The following NRG1 variants were observed in gnomAD, a reference collection of about 807,000 sequenced individuals.
The protein encoded by NRG1 is neuregulin 1, also known as pro-neuregulin-1, membrane-bound isoform.
NRG1 carries 18 observed loss-of-function variants against 63.8 expected under a neutral mutation model. The ratio of observed to expected loss-of-function variants is 0.28; its 90% confidence interval spans 0.19 to 0.42. The LOEUF is 0.42. Ranked by LOEUF, NRG1 falls within the 10% of genes least tolerant of loss-of-function variation. NRG1 has a pLI of 1.00. For missense variants in NRG1, 762 were observed against 814.7 expected, an observed-to-expected ratio of 0.94 and a Z score of 0.79; for synonymous variants, 302 against 301.3, an observed-to-expected ratio of 1.00 and a Z score of -0.02.
intron 1 of NRG1, among the ~76,000 whole-genome samples, chr8:31,651,557 A>C (rs1306393560): frequency 6.6e-6 from 1 of 152,202 alleles, no homozygotes; most frequent in African/African-American, 2.4e-5. Flanking sequence ...CTGCAGGGCG[A>C]GGCTTCCTGC....
chr8:32,431,798 C>A, intron 1 of NRG1, among the ~76,000 whole-genome samples: 1 of 151,932 alleles, frequency 6.6e-6, no homozygotes, highest in Non-Finnish European at 1.5e-5. Context: ...GAAACAACAG[C>A]AATAACAACT....
chr8:32,184,180 A>G (rs1841734248), intron 1 of NRG1, among the ~76,000 whole-genome samples: 1 of 152,132 alleles, frequency 6.6e-6, no homozygotes, highest in Non-Finnish European at 1.5e-5. Flanking sequence ...TGTGTATAAT[A>G]TATTCTTCAC....
intron 1 of NRG1, among the ~76,000 whole-genome samples, chr8:32,223,074 C>A (rs1845989174): frequency 6.6e-6 from 1 of 151,762 alleles, no homozygotes. Flanking sequence ...GGAAAAAATA[C>A]AACAAAATAG....
At chr8:31,985,290 C>T (rs964627764) in intron 1 of NRG1, among the ~76,000 whole-genome samples, 1 of 152,090 alleles carries the variant, frequency 6.6e-6, no homozygotes, top group Non-Finnish European at 1.5e-5. Context: ...GTTTGATTTC[C>T]TTTTTATACA....
intron 5 of NRG1, among the ~76,000 whole-genome samples, chr8:32,702,281 G>A (rs1815114410): frequency 6.6e-6 from 1 of 152,180 alleles, no homozygotes; most frequent in Admixed American, 6.5e-5. Context: ...AAAGCTGGTG[G>A]AAAAATGTGT....
chr8:32,722,766 G>A (rs1261614004), intron 5 of NRG1, among the ~76,000 whole-genome samples: 3 of 152,014 alleles, frequency 2.0e-5, no homozygotes, highest in East Asian at 1.9e-4. Flanking sequence ...GATCTTGAAA[G>A]GGTAAAATAA....
chr8:32,128,934 C>G (rs1304559054), intron 1 of NRG1, among the ~76,000 whole-genome samples: 1 of 151,852 alleles, frequency 6.6e-6, no homozygotes, highest in African/African-American at 2.4e-5. Flanking sequence ...AAACAAGCTT[C>G]CCCCATTCCT....
intron 1 of NRG1, among the ~76,000 whole-genome samples, chr8:31,850,431 A>G (rs968610558): frequency 3.3e-5 from 5 of 152,258 alleles, no homozygotes; most frequent in African/African-American, 9.6e-5. Context: ...TGGTCAGGTT[A>G]TGTGACCTGA....
chr8:31,977,452 A>G (rs1427836477), intron 1 of NRG1, among the ~76,000 whole-genome samples: 1 of 151,872 alleles, frequency 6.6e-6, no homozygotes, highest in African/African-American at 2.4e-5. Flanking sequence ...TTTTAGTTTT[A>G]TTTCTAGTGC....
intron 1 of NRG1, among the ~76,000 whole-genome samples, chr8:32,294,310 G>A (rs1221460278): frequency 6.6e-6 from 1 of 152,104 alleles, no homozygotes; most frequent in Non-Finnish European, 1.5e-5. Context: ...AAGATTTTAA[G>A]CATGTGCTCT....
chr8:31,764,676 T>A (rs1801281725), intron 1 of NRG1, among the ~76,000 whole-genome samples: 2 of 152,202 alleles, frequency 1.3e-5, no homozygotes, highest in Admixed American at 1.3e-4. Context: ...AATTTACATG[T>A]TTTTTATGTA....
At chr8:32,694,446 T>TA (rs1687150359) in intron 5 of NRG1, among the ~76,000 whole-genome samples, 1 of 152,204 alleles carries the variant, frequency 6.6e-6, no homozygotes. Context: ...CTTCATTTTT[T>TA]AAAGTATTCT....
At chr8:32,312,907 A>G (rs1478033178) in intron 1 of NRG1, among the ~76,000 whole-genome samples, 1 of 152,020 alleles carries the variant, frequency 6.6e-6, no homozygotes, top group African/African-American at 2.4e-5. Context: ...TAATCCCAGC[A>G]CTCTGGGAGG....
intron 1 of NRG1, among the ~76,000 whole-genome samples, chr8:32,508,458 T>G (rs969109801): frequency 8.3e-5 from 8 of 96,422 alleles, no homozygotes; most frequent in African/African-American, 2.0e-4. Flanking sequence ...ACCCAGCTAG[T>G]TTTTTTTTTT....
At chr8:32,310,093 T>G (rs534431873) in intron 1 of NRG1, among the ~76,000 whole-genome samples, 1 of 152,302 alleles carries the variant, frequency 6.6e-6, no homozygotes, top group South Asian at 2.1e-4. Flanking sequence ...GGCACTGCTA[T>G]GAATCACCAT....
chr8:31,780,064 A>G (rs1187382669), intron 1 of NRG1, among the ~76,000 whole-genome samples: 2 of 152,204 alleles, frequency 1.3e-5, no homozygotes, highest in Non-Finnish European at 2.9e-5. Context: ...TCCTAGGAAA[A>G]CATAGCCATG....
chr8:32,339,337 T>C (rs1386439), intron 1 of NRG1, among the ~76,000 whole-genome samples: 78,493 of 151,936 alleles, frequency 0.52, 21,236 homozygotes, highest in Non-Finnish European at 0.61. Flanking sequence ...AAACCCCAAA[T>C]ACTCACTTTG....
At chr8:32,420,441 T>C (rs1423538291) in intron 1 of NRG1, among the ~76,000 whole-genome samples, 1 of 152,156 alleles carries the variant, frequency 6.6e-6, no homozygotes, top group Non-Finnish European at 1.5e-5. Context: ...CACCTCAAGC[T>C]CTGGGCTCAA....
intron 1 of NRG1, among the ~76,000 whole-genome samples, chr8:32,437,032 G>T (rs563221884): frequency 5.3e-5 from 8 of 152,180 alleles, no homozygotes; most frequent in Admixed American, 3.3e-4. Flanking sequence ...TTATGCCTTT[G>T]CACCTACTCA....
Sources: gnomAD v4.1 joint callset for allele counts (sites outside exome capture counted in the v4.1 genomes callset) on GRCh38, gnomAD v4.1.1 for gene constraint, MANE v1.5 for transcripts, NCBI Gene and HGNC (gene_info 2026-07-23, HGNC 2026-07-21) for gene names.